Variants in LRRC28 observed in about 807,000 individuals in gnomAD.
LRRC28 encodes the protein leucine rich repeat containing 28.
In LRRC28, 39 loss-of-function variants were observed where a neutral mutation model predicts 45.7. The ratio of observed to expected loss-of-function variants is 0.85; its 90% CI spans 0.66 to 1.12. LRRC28 has a LOEUF of 1.12. Among genes scored for constraint, LRRC28 ranks in the 50% most tolerant of loss-of-function variants. The probability of loss-of-function intolerance (pLI) is 0.00; values close to 1 mark genes in which losing one functional copy is unlikely to be tolerated. For missense variants in LRRC28, 435 were observed against 438.5 expected (o/e 0.99, Z 0.07); for synonymous variants, 206 against 178.8 (o/e 1.15, Z -1.22).
chr15:99,383,106 G>C (rs1369583670), intron 9 of LRRC28, among the ~76,000 whole-genome samples: 1 of 152,072 alleles, frequency 6.6e-6, no homozygotes, highest in African/African-American at 2.4e-5. Context: ...TGAACATTTA[G>C]CTCTTGCCCC....
chr15:99,330,080 A>G (rs1238333314), intron 5 of LRRC28, among the ~76,000 whole-genome samples: 1 of 152,150 alleles, frequency 6.6e-6, no homozygotes, highest in Non-Finnish European at 1.5e-5. Flanking sequence ...GTCTTTTTTA[A>G]AAAAGGAATT....
chr15:99,352,162 A>C (rs533648009), intron 6 of LRRC28, among the ~76,000 whole-genome samples: 154 of 152,328 alleles, frequency 1.0e-3, no homozygotes, highest in African/African-American at 3.6e-3. Flanking sequence ...GAACCTGACT[A>C]AAGTTTGGCC....
chr15:99,277,382 C>G (rs902575867), intron 3 of LRRC28, among the ~76,000 whole-genome samples: 1 of 152,214 alleles, frequency 6.6e-6, no homozygotes, highest in East Asian at 1.9e-4. Flanking sequence ...AAACCCTTCA[C>G]CTAAATTTAA....
intron 9 of LRRC28, among the ~76,000 whole-genome samples, chr15:99,374,358 G>A (rs1000576354): frequency 6.6e-6 from 1 of 152,146 alleles, no homozygotes; most frequent in Non-Finnish European, 1.5e-5. Context: ...TTGTGTGCTT[G>A]TAAATGATAC....
At chr15:99,272,063 T>G (rs1182993222) in intron 2 of LRRC28, among the ~76,000 whole-genome samples, 1 of 152,208 alleles carries the variant, frequency 6.6e-6, no homozygotes, top group African/African-American at 2.4e-5. Flanking sequence ...TTTTTGTATA[T>G]GGTATGAGAT....
intron 5 of LRRC28, among the ~76,000 whole-genome samples, chr15:99,301,145 T>C (rs1344354950): frequency 6.6e-6 from 1 of 152,212 alleles, no homozygotes; most frequent in Non-Finnish European, 1.5e-5. Flanking sequence ...AATAGCATAG[T>C]TGAATATGTA....
At chr15:99,362,975 C>T (rs892884323) in intron 8 of LRRC28, 131 bp from the exon 9 acceptor site, 21 of 995,356 alleles carry the variant, frequency 2.1e-5, no homozygotes, top group Non-Finnish European at 2.6e-5. Context: ...GTGTATCAAT[C>T]AGATAACAGA....
At chr15:99,371,170 A>G (rs1957474289) in intron 9 of LRRC28, among the ~76,000 whole-genome samples, 1 of 152,210 alleles carries the variant, frequency 6.6e-6, no homozygotes, top group African/African-American at 2.4e-5. Flanking sequence ...GTTACTTCCA[A>G]GTAACTCAAA....
chr15:99,340,159 C>G (rs73475313), intron 6 of LRRC28, among the ~76,000 whole-genome samples: 3,812 of 152,290 alleles, frequency 0.025, 169 homozygotes, highest in African/African-American at 0.087. Flanking sequence ...GGCCCTTTAT[C>G]ACATAACAGG....
intron 9 of LRRC28, among the ~76,000 whole-genome samples, chr15:99,380,908 G>A (rs924762435): frequency 9.2e-5 from 14 of 152,178 alleles, no homozygotes; most frequent in East Asian, 1.9e-4. Context: ...TCCGCTGTTC[G>A]TCTGATGGGC....
chr15:99,366,884 A>T (rs543058955), intron 9 of LRRC28, among the ~76,000 whole-genome samples: 597 of 75,892 alleles, frequency 7.9e-3, no homozygotes, highest in African/African-American at 0.024. Context: ...CCACTGAGAT[A>T]AAAAAAAATG....
intron 7 of LRRC28, among the ~76,000 whole-genome samples, chr15:99,356,957 C>A (rs1257965957): frequency 6.6e-6 from 1 of 152,156 alleles, no homozygotes; most frequent in Non-Finnish European, 1.5e-5. Flanking sequence ...AAAACTTAGC[C>A]TTAAGTAGCT....
At position 99,322,059 on chromosome 15, in the gene LRRC28, C is replaced by T. The variant is rs577402861; in HGVS notation, c.386-11864C>T. 3.3e-5 allele frequency among the ~76,000 whole-genome samples: 5 copies of T among 152,114 alleles called. No homozygotes were observed. In the South Asian group the frequency reaches 1.0e-3, roughly 32 times the overall value. ...GAGGGTTGGGAAGGAGCATTCCTGA[C>T]CGAGGAATAGCAGATTCAAAGCCTC... On this transcript the variant is annotated intron_variant, in intron 5 of 9. Coordinates refer to ENST00000301981, the MANE Select transcript of LRRC28 (RefSeq NM_144598.5).
At chr15:99,307,520 A>G (rs1181202938) in intron 5 of LRRC28, among the ~76,000 whole-genome samples, 1 of 152,260 alleles carries the variant, frequency 6.6e-6, no homozygotes, top group Non-Finnish European at 1.5e-5. Flanking sequence ...CTAGCATCAG[A>G]GACCAAAGAT....
intron 9 of LRRC28, among the ~76,000 whole-genome samples, chr15:99,381,169 C>G (rs1957810209): frequency 6.6e-6 from 1 of 152,128 alleles, no homozygotes; most frequent in Admixed American, 6.5e-5. Flanking sequence ...TCAAGTATAC[C>G]AATCAGACGT....
intron 2 of LRRC28, among the ~76,000 whole-genome samples, chr15:99,268,002 C>G (rs576683089): frequency 1.3e-5 from 2 of 152,222 alleles, no homozygotes; most frequent in Admixed American, 6.5e-5. Context: ...TTTGAGGAAA[C>G]TAAGAAGAGG....
At chr15:99,373,140 A>G (rs1181701328) in intron 9 of LRRC28, among the ~76,000 whole-genome samples, 1 of 152,164 alleles carries the variant, frequency 6.6e-6, no homozygotes, top group Admixed American at 6.5e-5. Flanking sequence ...GAGGAGCTTT[A>G]TTTTTAAAAA....
At chr15:99,316,222 C>G (rs1955587627) in intron 5 of LRRC28, among the ~76,000 whole-genome samples, 1 of 152,030 alleles carries the variant, frequency 6.6e-6, no homozygotes, top group African/African-American at 2.4e-5. Context: ...TTTGGTTACT[C>G]ATAAAATATA....
intron 6 of LRRC28, among the ~76,000 whole-genome samples, chr15:99,345,569 TGAAGAAATTTAAAATAG>T (rs1343285818): frequency 7.2e-5 from 11 of 152,310 alleles, no homozygotes; most frequent in African/African-American, 2.6e-4. Flanking sequence ...AGAGAAGTAG[TGAAGAAATTTAAAATAG>T]GAAATCTTAG....
Sources: gnomAD v4.1 joint callset for allele counts (sites outside exome capture counted in the v4.1 genomes callset) on GRCh38, gnomAD v4.1.1 for gene constraint, MANE v1.5 for transcripts, NCBI Gene and HGNC (gene_info 2026-07-23, HGNC 2026-07-21) for gene names.